SMAD6: variants seen among roughly 807,000 people sequenced by gnomAD.
SMAD6 encodes the protein SMAD family member 6.
A neutral mutation model predicts 39.4 loss-of-function variants in SMAD6; 103 were observed. The observed-to-expected ratio is 2.62, with a 90% CI of 2.23 to 3.08. The LOEUF (loss-of-function observed/expected upper bound fraction) is 3.08. Ranked by LOEUF, SMAD6 falls within the 30% of genes most tolerant of loss-of-function variation. The pLI is 0.00. For missense variants in SMAD6, 1,104 were observed against 742.9 expected, an observed-to-expected ratio of 1.49 and a Z score of -5.65; for synonymous variants, 445 against 353.3, an observed-to-expected ratio of 1.26 and a Z score of -2.91.
Position 66,703,377 on chromosome 15 carries a change from G to T in SMAD6, c.119G>T (p.Gly40Val). 9 of 1,457,492 alleles carry T rather than the reference G, an allele frequency of 6.2e-6. No individual in the cohort carries two copies. Among genetic ancestry groups the T allele is most frequent in the Non-Finnish European group, 8.1e-6 (9 of 1,104,390 alleles). The allele number at this position is 1,457,492 out of a possible 1,614,324, so 90.3% of individuals were successfully genotyped here. A position where few individuals can be genotyped will look rare whatever the true frequency, so the allele number is the denominator to read the frequency against. Reference protein sequence around the residue: ...GGGGDEDGSLGSRAEPAPRAR... With the variant: ...GGGGDEDGSLVSRAEPAPRAR... ...GGCGGCGACGAGGATGGGAGCTTGG[G>T]CAGCCGAGCTGAGCCGGCCCCGCGG... Residue 40 changes from glycine to valine, a missense_variant, in exon 1 of 4, where the codon GGC (glycine) becomes GTC (valine). Gly to Val is a moderately radical substitution (Grantham distance 109). Coordinates refer to ENST00000288840, the MANE Select transcript of SMAD6 (RefSeq NM_005585.5).
intron 3 of SMAD6, among the ~76,000 whole-genome samples, chr15:66,722,781 G>T (rs186633845): frequency 1.3e-3 from 202 of 152,222 alleles, no homozygotes; most frequent in Non-Finnish European, 2.3e-3. Context: ...GGGGGGGTCG[G>T]CAGGAGTGAT....
chr15:66,742,279 G>A (rs745312853), intron 3 of SMAD6, among the ~76,000 whole-genome samples: 16 of 152,224 alleles, frequency 1.1e-4, no homozygotes, highest in Non-Finnish European at 2.2e-4. Flanking sequence ...CCCTGAGCGC[G>A]TGCCCTCTGG....
intron 3 of SMAD6, chr15:66,740,812 T>G (rs1893800210): frequency 6.6e-6 from 1 of 152,208 alleles, no homozygotes; most frequent in Non-Finnish European, 1.5e-5. Context: ...TGATCTTTGC[T>G]TGCTTTTCTT....
At chr15:66,730,649 C>T (rs1367836460) in intron 3 of SMAD6, among the ~76,000 whole-genome samples, 1 of 152,152 alleles carries the variant, frequency 6.6e-6, no homozygotes, top group Admixed American at 6.5e-5. Context: ...ATAATGACAA[C>T]AGCAGTAGGA....
Position 66,703,754 on chromosome 15 carries a change from C to A in SMAD6, c.496C>A (p.Leu166Met). ...GRSREARSRL[L>M]LLEQELKTVT... The stretch of plus-strand genomic sequence containing the variant: ...GAGTCGCGAAGCGCGCTCGCGGCTG[C>A]TGCTGCTGGAGCAGGAACTCAAAAC... The change falls in exon 1 of 4, where the codon CTG becomes ATG. Residue 166 changes from leucine to methionine, a missense_variant. Transcript: ENST00000288840. 1 of 1,399,610 alleles carries A rather than the reference C, an allele frequency of 7.1e-7. No individual in the cohort carries two copies. Among genetic ancestry groups the A allele is most frequent in the Non-Finnish European group, 9.4e-7 (1 of 1,064,088 alleles). 86.7% of individuals were successfully genotyped at this position (1,399,610 alleles called of 1,614,324 possible). A position where few individuals can be genotyped will look rare whatever the true frequency, so the allele number is the denominator to read the frequency against.
chr15:66,711,613 C>A lies in SMAD6; in HGVS notation c.818-55C>A, dbSNP rs531194815. 2.0e-5 allele frequency: 27 copies of A among 1,325,470 alleles called. 2 individuals carry two copies. The South Asian group carries it at 3.2e-4, about 16-fold the overall frequency. The allele number at this position is 1,325,470 out of a possible 1,614,324, so 82.1% of individuals were successfully genotyped here. ...AACCAGTAATTAAAAGCATGTAGAA[C>A]CTGAGGTGTGAGCTCCCCAACCCTG... On this transcript the variant is annotated intron_variant, in intron 1 of 3. Transcript: ENST00000288840.
intron 3 of SMAD6, among the ~76,000 whole-genome samples, chr15:66,756,095 C>T (rs1894093865): frequency 6.6e-6 from 1 of 151,842 alleles, no homozygotes; most frequent in South Asian, 2.1e-4. Context: ...CTTTTTCCTC[C>T]TTCTTCCCCA....
At chr15:66,761,363 A>G (rs1894195935) in intron 3 of SMAD6, among the ~76,000 whole-genome samples, 1 of 152,168 alleles carries the variant, frequency 6.6e-6, no homozygotes, top group African/African-American at 2.4e-5. Context: ...TCAGAATAGG[A>G]AACTTTGCCC....
chr15:66,723,522 T>A (rs1893471224), intron 3 of SMAD6, among the ~76,000 whole-genome samples: 1 of 151,944 alleles, frequency 6.6e-6, no homozygotes, highest in African/African-American at 2.4e-5. Context: ...CTTAAAAAAA[T>A]TTAAAAATTG....
At chr15:66,733,451 GGT>G (rs1422991353) in intron 3 of SMAD6, among the ~76,000 whole-genome samples, 1 of 152,014 alleles carries the variant, frequency 6.6e-6, no homozygotes, top group East Asian at 1.9e-4. Context: ...CATATATTTA[GGT>G]CTTTGATTTT....
intron 3 of SMAD6, among the ~76,000 whole-genome samples, chr15:66,757,854 G>A (rs112071629): frequency 0.014 from 2,181 of 152,298 alleles, 52 homozygotes; most frequent in African/African-American, 0.048. Flanking sequence ...CCTGGGCACC[G>A]GGGTAGGCTC....
In SMAD6 at chr15:66,704,125, C is replaced by G. The variant is rs765667375; in HGVS notation, c.817+50C>G. 4 of 1,287,138 alleles carry G rather than the reference C, an allele frequency of 3.1e-6. No homozygotes were observed. The South Asian group carries it at 5.2e-5, about 17-fold the overall frequency. The allele number at this position is 1,287,138 out of a possible 1,614,324, so 79.7% of individuals were successfully genotyped here. On this transcript the variant is annotated intron_variant, in intron 1 of 3. Transcript: ENST00000288840. ...GGGCCCCGGGTCCCCGTCCCCATCC[C>G]CTTCCGTGCCCTTCTCTCTGTGACA... is the stretch of plus-strand genomic sequence containing the variant.
At chr15:66,737,411 T>A (rs1186465871) in intron 3 of SMAD6, among the ~76,000 whole-genome samples, 1 of 152,206 alleles carries the variant, frequency 6.6e-6, no homozygotes, top group African/African-American at 2.4e-5. Flanking sequence ...AGTAGCACTC[T>A]GCTAGCAGAA....
At chr15:66,714,317 A>G (rs1430180648) in intron 2 of SMAD6, among the ~76,000 whole-genome samples, 1 of 152,152 alleles carries the variant, frequency 6.6e-6, no homozygotes, top group Non-Finnish European at 1.5e-5. Context: ...CCGGTGGTCA[A>G]ATAGCTCAGC....
Position 66,716,422 on chromosome 15 carries a change from T to G in SMAD6, c.876T>G (p.Asp292Glu). ...TTCTCTTTTTCTTTCCTCCCACAGA[T>G]CTGTCCGATTCCACATTGTCTTACA... The part of the protein sequence containing the change: ...LSPRDEYKPL[D>E]LSDSTLSYTE... Residue 292 changes from aspartate (D) to glutamate (E), a missense_variant and splice_region_variant, in exon 3 of 4, where the codon GAT becomes GAG. Asp to Glu is a conservative substitution (Grantham distance 45, BLOSUM62 2). Transcript: ENST00000288840. The G allele has an allele frequency of 6.2e-7, 1 of 1,611,664 alleles. No individual in the cohort carries two copies. Among genetic ancestry groups the G allele is most frequent in the African/African-American group, 1.3e-5 (1 of 75,014 alleles).
chr15:66,747,843 T>C lies in SMAD6; in HGVS notation c.952+31345T>C, dbSNP rs1327576644. ...TTCGTCAGGACTGACAGCAGCCATC[T>C]GTCCCTCGTAGGAACCCTTAATCCT... is the stretch of plus-strand genomic sequence containing the variant. On this transcript the variant is annotated intron_variant, in intron 3 of 3. Transcript: ENST00000288840. This position sits in a 1 kb window ranked among gnomAD's most constrained non-coding sequence, Gnocchi z 4.5. Among the ~76,000 whole-genome samples the C allele has an allele frequency of 6.6e-6, 1 of 152,222 alleles. No individual in the cohort carries two copies. The highest frequency in any genetic ancestry group is 1.5e-5 in the Non-Finnish European group (1 of 68,034).
In SMAD6 at chr15:66,781,203, A is replaced by C; in HGVS notation, c.1159A>C (p.Ile387Leu). Residue 387 changes from isoleucine (I) to leucine (L), a missense_variant, in exon 4 of 4, where the codon ATC becomes CTC. By Grantham distance (5) the Ile-to-Leu change is conservative. Coordinates refer to ENST00000288840, the MANE Select transcript of SMAD6 (RefSeq NM_005585.5). ...GTCGGTGCGGCGAACGCGCAGCAAG[A>C]TCGGCTTCGGCATCCTGCTCAGCAA... ...SESVRRTRSK[I>L]GFGILLSKEP... 1 of 1,608,438 alleles carries C rather than the reference A, an allele frequency of 6.2e-7. No homozygotes were observed. The highest frequency in any genetic ancestry group is 8.5e-7 in the Non-Finnish European group (1 of 1,179,738).
At chr15:66,768,009 GGCCAGGCTGGAGTGCAGTGGT>G (rs1894318962) in intron 3 of SMAD6, among the ~76,000 whole-genome samples, 1 of 108,788 alleles carries the variant, frequency 9.2e-6, no homozygotes, top group Non-Finnish European at 1.7e-5. Context: ...TTGTTCTGTT[GGCCAGGCTGGAGTGCAGTGGT>G]GCCACCACGG....
In SMAD6 at chr15:66,781,144, G is replaced by T. The variant is rs762125816; in HGVS notation, c.1100G>T (p.Cys367Phe). 6.2e-7 allele frequency: 1 copy of T among 1,608,256 alleles called. No homozygotes were observed. The highest frequency in any genetic ancestry group is 1.7e-5 in the Admixed American group (1 of 59,998). ...GACCTACCTCAGGGCAGCGGCTTCT[G>T]CCTGGGCCAGCTCAACCTGGAGCAG... ...FYDLPQGSGF[C>F]LGQLNLEQRS... Residue 367 changes from cysteine (C) to phenylalanine (F), a missense_variant, in exon 4 of 4, where the codon TGC (cysteine) becomes TTC (phenylalanine). Transcript: ENST00000288840.
Sources: gnomAD v4.1 joint callset for allele counts (sites outside exome capture counted in the v4.1 genomes callset) on GRCh38, gnomAD v4.1.1 for gene constraint, Gnocchi (gnomAD v3.1) non-coding constraint, MANE v1.5 for transcripts, NCBI Gene and HGNC (gene_info 2026-07-23, HGNC 2026-07-21) for gene names.